The following NRG1 variants were observed in gnomAD, a reference collection of about 807,000 sequenced individuals.
NRG1 encodes the protein neuregulin 1.
In NRG1, 18 loss-of-function variants were observed where a neutral mutation model predicts 63.8. That is an observed-to-expected ratio of 0.28 (90% confidence interval 0.19 to 0.42). The LOEUF is 0.42. Ranked by LOEUF, NRG1 falls within the 10% of genes least tolerant of loss-of-function variation. The probability of loss-of-function intolerance (pLI) is 1.00; values close to 1 mark genes in which losing one functional copy is unlikely to be tolerated. For synonymous variants in NRG1, 302 were observed against 301.3 expected, an observed-to-expected ratio of 1.00 and a Z score of -0.02; for missense variants, 762 against 814.7, an observed-to-expected ratio of 0.94 and a Z score of 0.79.
chr8:31,899,840 TAAAAG>T (rs2129615112), intron 1 of NRG1, among the ~76,000 whole-genome samples: 1 of 151,730 alleles, frequency 6.6e-6, no homozygotes, highest in East Asian at 1.9e-4. Flanking sequence ...CCAATAAAAA[TAAAAG>T]AAATAGAATG....
chr8:31,969,775 A>T (rs549417137), intron 1 of NRG1, among the ~76,000 whole-genome samples: 8 of 152,304 alleles, frequency 5.3e-5, no homozygotes, highest in Middle Eastern at 3.4e-3. Flanking sequence ...AAGGAAAATT[A>T]AAAAACCCCT....
intron 1 of NRG1, among the ~76,000 whole-genome samples, chr8:32,561,839 A>C (rs1236598316): frequency 1.5e-5 from 1 of 64,902 alleles, no homozygotes; most frequent in Non-Finnish European, 2.9e-5. Flanking sequence ...ATATTTATTT[A>C]TTTAGGGTTT....
intron 1 of NRG1, among the ~76,000 whole-genome samples, chr8:32,184,405 C>T (rs987732716): frequency 1.1e-4 from 16 of 152,042 alleles, no homozygotes; most frequent in African/African-American, 3.9e-4. Context: ...TGAGGCCAAA[C>T]AAAATCAAGG....
At chr8:31,745,498 A>G (rs1395598367) in intron 1 of NRG1, among the ~76,000 whole-genome samples, 1 of 151,926 alleles carries the variant, frequency 6.6e-6, no homozygotes, top group Non-Finnish European at 1.5e-5. Flanking sequence ...TAGAAGAGAC[A>G]TCTCTATATT....
intron 7 of NRG1, among the ~76,000 whole-genome samples, chr8:32,746,867 C>CTTTT (rs376346951): frequency 0.068 from 8,601 of 127,096 alleles, 610 homozygotes; most frequent in East Asian, 0.24. Flanking sequence ...GTGTATTCTG[C>CTTTT]TTTTTTTTTT....
rs35395739 is a variant in NRG1 at position 32,577,701 on chromosome 8, CT to C, written c.101-18116del. On this transcript the variant is annotated intron_variant, in intron 1 of 11. Coordinates refer to ENST00000356819, the Ensembl canonical transcript of NRG1. Reference sequence around the variant, plus strand: ...ATCGTTGTACCCTTAAACCTTAACACTTTTTTTTTTTGTTTTTCGAGACCTT... The same window carrying C: ...ATCGTTGTACCCTTAAACCTTAACACTTTTTTTTTTGTTTTTCGAGACCTT... Among the ~76,000 whole-genome samples, 848 of 147,968 alleles carry C rather than the reference CT, an allele frequency of 5.7e-3. 5 individuals carry two copies. The highest frequency in any genetic ancestry group is 8.2e-3 in the Non-Finnish European group (546 of 66,790).
intron 1 of NRG1, among the ~76,000 whole-genome samples, chr8:31,682,038 A>G (rs1808392521): frequency 6.6e-6 from 1 of 152,074 alleles, no homozygotes; most frequent in Admixed American, 6.6e-5. Context: ...CTTTAATGAC[A>G]TGTATCTGTC....
chr8:31,897,388 A>T (rs1363102262), intron 1 of NRG1, among the ~76,000 whole-genome samples: 1 of 152,180 alleles, frequency 6.6e-6, no homozygotes, highest in African/African-American at 2.4e-5. Context: ...ATCACCTGAC[A>T]GATAGCAGAC....
chr8:32,694,011 T>C (rs1381797961), intron 5 of NRG1, among the ~76,000 whole-genome samples: 1 of 152,194 alleles, frequency 6.6e-6, no homozygotes, highest in Non-Finnish European at 1.5e-5. Flanking sequence ...CTTTAATTTC[T>C]TCCTGTCCAG....
chr8:32,291,825 A>C (rs1170216950), intron 1 of NRG1, among the ~76,000 whole-genome samples: 2 of 152,080 alleles, frequency 1.3e-5, no homozygotes, highest in East Asian at 1.9e-4. Flanking sequence ...GATTATTGCT[A>C]TCCACTCTTG....
At chr8:32,071,404 A>G (rs748747537) in intron 1 of NRG1, among the ~76,000 whole-genome samples, 5 of 152,182 alleles carry the variant, frequency 3.3e-5, no homozygotes, top group Non-Finnish European at 7.3e-5. Context: ...AAAATTAGAC[A>G]CGATCTTCTC....
At chr8:32,398,112 G>A (rs1812680569) in intron 1 of NRG1, among the ~76,000 whole-genome samples, 1 of 152,186 alleles carries the variant, frequency 6.6e-6, no homozygotes, top group Admixed American at 6.5e-5. Flanking sequence ...CAGGGAAATA[G>A]TACTATTTCA....
At chr8:32,614,163 C>T (rs932858245) in intron 3 of NRG1, among the ~76,000 whole-genome samples, 8 of 152,060 alleles carry the variant, frequency 5.3e-5, no homozygotes, top group Admixed American at 4.6e-4. Context: ...TACAGCTTGG[C>T]AATCCGATAG....
chr8:32,040,088 T>C (rs1021669563), intron 1 of NRG1, among the ~76,000 whole-genome samples: 2 of 152,262 alleles, frequency 1.3e-5, no homozygotes, highest in Non-Finnish European at 2.9e-5. Context: ...TTTATTCCAG[T>C]GCTTACCACC....
At chr8:31,988,030 C>T (rs1198712814) in intron 1 of NRG1, among the ~76,000 whole-genome samples, 1 of 152,102 alleles carries the variant, frequency 6.6e-6, no homozygotes, top group African/African-American at 2.4e-5. Context: ...TTCGTTTATA[C>T]CACACTGCCC....
chr8:32,122,120 G>C (rs1364367409), intron 1 of NRG1, among the ~76,000 whole-genome samples: 1 of 151,914 alleles, frequency 6.6e-6, no homozygotes, highest in Non-Finnish European at 1.5e-5. Context: ...GTTCTTCTTA[G>C]TACTCTTCAA....
chr8:32,150,877 C>G (rs1011227373), intron 1 of NRG1, among the ~76,000 whole-genome samples: 2 of 152,124 alleles, frequency 1.3e-5, no homozygotes, highest in African/African-American at 4.8e-5. Context: ...GTGGTCAAAA[C>G]CCAAGTTATA....
rs117450645 is a variant in NRG1 at position 32,637,483 on chromosome 8, C to T, written c.502+20598C>T. On this transcript the variant is annotated intron_variant, in intron 5 of 11. Coordinates refer to ENST00000356819, the Ensembl canonical transcript of NRG1. ...TTGTTCCTGTTCCCTAATAATTACT[C>T]CTTCCCCTGTCCCAGGCTTTTAATT... Among the ~76,000 whole-genome samples the T allele has an allele frequency of 7.7e-3, 1,176 of 152,202 alleles. 6 individuals are homozygous for T. The highest frequency in any genetic ancestry group is 0.024 in the Middle Eastern group (7 of 294).
At position 32,132,115 on chromosome 8, in the gene NRG1, T is replaced by C. The variant is rs137911636; in HGVS notation, c.38-463713T>C. Among the ~76,000 whole-genome samples, 837 of 152,146 alleles carry C rather than the reference T, an allele frequency of 5.5e-3. 7 individuals are homozygous for C. The highest frequency in any genetic ancestry group is 0.019 in the African/African-American group (798 of 41,540). On this transcript the variant is annotated intron_variant, in intron 1 of 10. Transcript: ENST00000519301. ...AGGTCAAGGATTGCTTACTCATGTT[T>C]GAGAAGCAATAATGATATGGCAAGA...
Sources: allele counts gnomAD v4.1 joint callset (sites outside exome capture counted in the v4.1 genomes callset), GRCh38; gene constraint gnomAD v4.1.1; transcripts MANE v1.5; gene names NCBI Gene and HGNC (gene_info 2026-07-23, HGNC 2026-07-21).